CAPN14: variants seen among roughly 807,000 people sequenced by gnomAD.
CAPN14 encodes calpain 14.
CAPN14 carries 94 observed loss-of-function variants against 101.3 expected under a neutral mutation model. That is an observed-to-expected ratio of 0.93 (90% CI 0.79 to 1.10). CAPN14 has a LOEUF of 1.10. CAPN14 is among the 50% of genes least tolerant of loss of function. The pLI is 0.00. For synonymous variants in CAPN14, 338 were observed against 317.9 expected (o/e 1.06, Z -0.67); for missense variants, 837 against 828.4 (o/e 1.01, Z -0.13).
intron 3 of CAPN14, 117 bp downstream of exon 3, chr2:31,202,953 T>G: frequency 1.3e-6 from 1 of 797,688 alleles, no homozygotes; most frequent in Non-Finnish European, 2.0e-6. Context: ...GAATAGCCAT[T>G]TTGGGCCTCT....
rs73921554 is a variant in CAPN14 at position 31,175,195 on chromosome 2, G to C, written c.2029-488C>G. 3.5e-3 allele frequency among the ~76,000 whole-genome samples: 540 copies of C among 152,290 alleles called. 2 individuals are homozygous for C. Among genetic ancestry groups the C allele is most frequent in the African/African-American group, 0.012 (518 of 41,556 alleles). On this transcript the variant is annotated intron_variant, in intron 21 of 21. Coordinates refer to ENST00000403897, the MANE Select transcript of CAPN14 (RefSeq NM_001145122.2). ...GCTGAGAATAGTGAAGTTACCAATG[G>C]TGTCAGAGAAAGCCTCAGCGTGAAA...
intron 8 of CAPN14, among the ~76,000 whole-genome samples, chr2:31,195,995 A>G (rs111900249): frequency 6.6e-6 from 1 of 152,228 alleles, no homozygotes; most frequent in African/African-American, 2.4e-5. Flanking sequence ...TAGAATTAGC[A>G]GATAAGGACA....
At chr2:31,176,372 C>T (rs774748085) in intron 21 of CAPN14, among the ~76,000 whole-genome samples, 7 of 152,214 alleles carry the variant, frequency 4.6e-5, no homozygotes, top group Non-Finnish European at 1.0e-4. Flanking sequence ...TTATTGGATA[C>T]ACCTTTCATA....
intron 8 of CAPN14, among the ~76,000 whole-genome samples, chr2:31,195,313 G>A (rs1246817676): frequency 1.3e-5 from 2 of 152,204 alleles, no homozygotes; most frequent in Non-Finnish European, 2.9e-5. Context: ...CATTCCTACC[G>A]GACAGAGTTA....
chr2:31,185,180 G>T (rs1044313821), intron 16 of CAPN14, among the ~76,000 whole-genome samples: 4 of 152,094 alleles, frequency 2.6e-5, no homozygotes, highest in African/African-American at 4.8e-5. Flanking sequence ...AATAAAAATT[G>T]GGGAAATGAA....
chr2:31,192,015 G>C lies in CAPN14; in HGVS notation c.1198C>G (p.Leu400Val), dbSNP rs1681214064. 1 of 1,551,626 alleles carries C rather than the reference G, an allele frequency of 6.4e-7. No individual in the cohort carries two copies. Among genetic ancestry groups the C allele is most frequent in the Non-Finnish European group, 8.7e-7 (1 of 1,146,962 alleles). Residue 400 changes from leucine to valine, a missense_variant, in exon 11 of 22, where the codon CTG (leucine) becomes GTG (valine). Leu to Val is a conservative substitution (Grantham distance 32). Coordinates refer to ENST00000403897, the MANE Select transcript of CAPN14 (RefSeq NM_001145122.2). ...CTGGGCTTCTGGAGCAGGGACACCA[G>C]CACGCTGCAGGGCCTCAGGGATCTC... ...GRRSLRPCSV[L>V]VSLLQKPRHR...
chr2:31,189,326 G>A lies in CAPN14; in HGVS notation c.1440C>T (p.Ala480=). ...TYLIVPCILE[A]HQKSEFVLRV... ...TGAGGACGAACTCTGACTTCTGGTGGGCCTCCAATATGCAGGGCACGATGA... is the reference window on the plus strand; with the variant it reads ...TGAGGACGAACTCTGACTTCTGGTGAGCCTCCAATATGCAGGGCACGATGA... The change falls in exon 13 of 22, where the codon GCC becomes GCT. Residue 480 remains alanine (A), a synonymous_variant. Transcript: ENST00000403897. 6.4e-7 allele frequency: 1 copy of A among 1,551,680 alleles called. No homozygotes were observed. The highest frequency in any genetic ancestry group is 8.7e-7 in the Non-Finnish European group (1 of 1,147,008).
At chr2:31,191,359 C>A in intron 12 of CAPN14, 40 bp downstream of exon 12, 1 of 1,538,772 alleles carries the variant, frequency 6.5e-7, no homozygotes. Flanking sequence ...CATGTGATGT[C>A]ACCCCAAACT....
chr2:31,183,067 C>T (rs548230801), intron 16 of CAPN14, among the ~76,000 whole-genome samples: 128 of 152,266 alleles, frequency 8.4e-4, no homozygotes, highest in Middle Eastern at 3.4e-3. Flanking sequence ...ACAAACCTGA[C>T]AAAAACAAAC....
rs1209180122 is a variant in CAPN14, at chr2:31,230,694, T to C, written c.-177+3097A>G. 6.6e-6 allele frequency among the ~76,000 whole-genome samples: 1 copy of C among 152,214 alleles called. No individual in the cohort carries two copies. On this transcript the variant is annotated intron_variant and NMD_transcript_variant, in intron 1 of 21. Transcript: ENST00000398824. This position sits in a 1 kb window ranked among gnomAD's most constrained non-coding sequence, Gnocchi z 4.3. ...CTTGCCAAGTTTTTTTCTATTGGAATGTTTGTCTTTGTTATCGATGCACAG... is the reference window on the plus strand; with the variant it reads ...CTTGCCAAGTTTTTTTCTATTGGAACGTTTGTCTTTGTTATCGATGCACAG...
At chr2:31,194,736 A>C (rs1006375480) in intron 8 of CAPN14, among the ~76,000 whole-genome samples, 1 of 152,188 alleles carries the variant, frequency 6.6e-6, no homozygotes, top group African/African-American at 2.4e-5. Context: ...AGAGATTAGG[A>C]AACTGAAGTT....
At chr2:31,176,697 G>T (rs1191599919) in intron 20 of CAPN14, 55 bp from the exon 21 acceptor site, 7 of 1,433,116 alleles carry the variant, frequency 4.9e-6, no homozygotes, top group Non-Finnish European at 6.7e-6. Context: ...GAAACATTAT[G>T]AATTAGTTCC....
At chr2:31,176,519 G>A (rs940581897) in intron 21 of CAPN14, 68 bp downstream of exon 21, 4 of 1,259,920 alleles carry the variant, frequency 3.2e-6, no homozygotes, top group African/African-American at 1.5e-5. Flanking sequence ...TCCTTCACAA[G>A]AGCATGGTCC....
At chr2:31,193,492 G>A (rs1465609237) in intron 9 of CAPN14, among the ~76,000 whole-genome samples, 198 bp from the exon 10 acceptor site, 1 of 152,160 alleles carries the variant, frequency 6.6e-6, no homozygotes, top group Non-Finnish European at 1.5e-5. Context: ...CCATCGTGGG[G>A]GGCTGGAGCT....
Position 31,188,347 on chromosome 2 carries a change from C to T in CAPN14, c.1501G>A (p.Gly501Ser), listed in dbSNP as rs1207644910. The stretch of plus-strand genomic sequence containing the variant: ...GAGAAGACGACACCAGAATTGCTGC[C>T]AATTTCACTGAGAACAAACAAACAA... ...FSRKHIFYEI[G>S]SNSGVVFSKE... The change falls in exon 14 of 22, where the codon GGC becomes AGC. Residue 501 changes from glycine (G) to serine (S), a missense_variant. Transcript: ENST00000403897. 6.4e-7 allele frequency: 1 copy of T among 1,551,480 alleles called. No homozygotes were observed. Among genetic ancestry groups the T allele is most frequent in the Non-Finnish European group, 8.7e-7 (1 of 1,146,948 alleles).
intron 17 of CAPN14, 54 bp from the exon 18 acceptor site, chr2:31,178,633 G>A (rs28684727): frequency 0.24 from 294,895 of 1,229,068 alleles, 39,618 homozygotes; most frequent in African/African-American, 0.54. Flanking sequence ...CCATGCTTTG[G>A]AGGCAGTGAT....
In CAPN14 at chr2:31,187,740, C is replaced by T; in HGVS notation, c.1587+18G>A. On this transcript the variant is annotated intron_variant, in intron 15 of 21. Transcript: ENST00000403897. ...TCCCCTGCTCTTCCTCACCCCCCACCACACCTGTTCAACTAACCTTTTCAA... is the reference window on the plus strand; with the variant it reads ...TCCCCTGCTCTTCCTCACCCCCCACTACACCTGTTCAACTAACCTTTTCAA... 1 of 1,549,792 alleles carries T rather than the reference C, an allele frequency of 6.5e-7. No individual in the cohort carries two copies. Among genetic ancestry groups the T allele is most frequent in the Non-Finnish European group, 8.7e-7 (1 of 1,145,180 alleles).
chr2:31,186,406 A>C, intron 16 of CAPN14, 22 bp downstream of exon 16: 2 of 1,537,392 alleles, frequency 1.3e-6, no homozygotes, highest in Non-Finnish European at 1.8e-6. Flanking sequence ...TGAGTCCTAC[A>C]GAATGGCTCT....
At chr2:31,179,612 T>C (rs564745469) in intron 17 of CAPN14, among the ~76,000 whole-genome samples, 1 of 152,362 alleles carries the variant, frequency 6.6e-6, no homozygotes, top group South Asian at 2.1e-4. Context: ...AGTCAAATGC[T>C]ATTTCTAGTT....
Sources: allele counts gnomAD v4.1 joint callset (sites outside exome capture counted in the v4.1 genomes callset), GRCh38; gene constraint gnomAD v4.1.1; non-coding constraint Gnocchi (gnomAD v3.1); transcripts MANE v1.5; gene names NCBI Gene and HGNC (gene_info 2026-07-23, HGNC 2026-07-21).